The following CTNNA3 variants were observed in gnomAD, a reference collection of about 807,000 sequenced individuals.
The protein encoded by CTNNA3 is catenin alpha-3.
Under a neutral mutation model 95.7 loss-of-function variants are expected in CTNNA3, and 76 were observed. The observed-to-expected ratio is 0.79, with a 90% confidence interval of 0.66 to 0.96. The LOEUF (loss-of-function observed/expected upper bound fraction) is 0.96, where lower values mean the gene tolerates loss of function less well. CTNNA3 is among the 40% of genes least tolerant of loss of function. The pLI, the probability that CTNNA3 is intolerant of heterozygous loss-of-function variation, is 0.00. For missense variants in CTNNA3, 1,191 were observed against 1,089.8 expected, an observed-to-expected ratio of 1.09 and a Z score of -1.31; for synonymous variants, 431 against 374.4, an observed-to-expected ratio of 1.15 and a Z score of -1.74.
At chr10:66,466,911 A>G (rs986667013) in intron 11 of CTNNA3, among the ~76,000 whole-genome samples, 1 of 152,064 alleles carries the variant, frequency 6.6e-6, no homozygotes. Flanking sequence ...TCTTCATGGC[A>G]TTCATTACTA....
intron 7 of CTNNA3, chr10:66,928,309 A>G (rs1161340184): frequency 6.2e-7 from 1 of 1,614,074 alleles, no homozygotes; most frequent in African/African-American, 1.3e-5. Flanking sequence ...CAGGAAAAAG[A>G]AAAGACAGTC....
At chr10:66,229,081 C>T (rs1343798655) in intron 13 of CTNNA3, among the ~76,000 whole-genome samples, 1 of 152,014 alleles carries the variant, frequency 6.6e-6, no homozygotes, top group African/African-American at 2.4e-5. Flanking sequence ...TTTTTTAAAT[C>T]TATATAGCCC....
intron 9 of CTNNA3, among the ~76,000 whole-genome samples, chr10:66,700,736 T>A (rs1348587893): frequency 1.3e-5 from 2 of 152,170 alleles, no homozygotes; most frequent in Non-Finnish European, 1.5e-5. Flanking sequence ...GTTCATTTTG[T>A]AAGATGTGCC....
chr10:66,967,540 C>T (rs1444843569), intron 7 of CTNNA3, among the ~76,000 whole-genome samples: 1 of 151,974 alleles, frequency 6.6e-6, no homozygotes, highest in Non-Finnish European at 1.5e-5. Flanking sequence ...CCACTACTTG[C>T]ATCTGCACCC....
intron 10 of CTNNA3, among the ~76,000 whole-genome samples, chr10:66,535,919 TAAA>T (rs1436166714): frequency 6.6e-6 from 1 of 152,068 alleles, no homozygotes; most frequent in Non-Finnish European, 1.5e-5. Flanking sequence ...GTGATGAAAA[TAAA>T]GAACACAAAA....
chr10:67,551,045 G>A lies in CTNNA3; in HGVS notation c.293-11376C>T, dbSNP rs1841011510. Among the ~76,000 whole-genome samples, 3 of 152,246 alleles carry A rather than the reference G, an allele frequency of 2.0e-5. No individual in the cohort carries two copies. In the South Asian group the frequency reaches 6.2e-4, roughly 32 times the overall value. ...CAGGCCTGTGCCCACAGACCTAGGTGAGGACAGGCACTCCTGACTTTGCAC... is the reference window on the plus strand; with the variant it reads ...CAGGCCTGTGCCCACAGACCTAGGTAAGGACAGGCACTCCTGACTTTGCAC... On this transcript the variant is annotated intron_variant, in intron 3 of 17. Transcript: ENST00000433211.
chr10:67,262,891 G>A (rs996941729), intron 5 of CTNNA3, among the ~76,000 whole-genome samples: 4 of 152,066 alleles, frequency 2.6e-5, no homozygotes, highest in South Asian at 4.1e-4. Context: ...AATAAATTAC[G>A]GCTCATTCTG....
At chr10:67,647,354 T>A in intron 2 of CTNNA3, 61 bp downstream of exon 2, 3 of 1,161,764 alleles carry the variant, frequency 2.6e-6, no homozygotes, top group Non-Finnish European at 3.7e-6. Flanking sequence ...TATTCATTTT[T>A]CCCACATATT....
At chr10:66,882,402 T>C (rs1844883301) in intron 7 of CTNNA3, among the ~76,000 whole-genome samples, 1 of 152,134 alleles carries the variant, frequency 6.6e-6, no homozygotes, top group African/African-American at 2.4e-5. Context: ...ATTTCGGCCA[T>C]CAAAACCATT....
At chr10:66,542,914 A>G (rs1841907589) in intron 10 of CTNNA3, among the ~76,000 whole-genome samples, 1 of 152,236 alleles carries the variant, frequency 6.6e-6, no homozygotes, top group African/African-American at 2.4e-5. Context: ...AAAAAATAAA[A>G]TAAAACTTGA....
At chr10:66,077,178 C>T (rs12415668) in intron 14 of CTNNA3, among the ~76,000 whole-genome samples, 4,687 of 151,636 alleles carry the variant, frequency 0.031, 100 homozygotes, top group Admixed American at 0.062. Flanking sequence ...TATGATGTTT[C>T]AAATTACTTT....
chr10:66,380,432 A>G (rs765783079), intron 11 of CTNNA3, among the ~76,000 whole-genome samples: 1 of 151,994 alleles, frequency 6.6e-6, no homozygotes, highest in Non-Finnish European at 1.5e-5. Flanking sequence ...AAACACAGCA[A>G]GACCCTTTCT....
chr10:67,157,181 T>C (rs1197735210), intron 7 of CTNNA3, among the ~76,000 whole-genome samples: 3 of 152,026 alleles, frequency 2.0e-5, no homozygotes, highest in Admixed American at 1.3e-4. Context: ...TGACATAATC[T>C]TACATGAAGG....
intron 7 of CTNNA3, among the ~76,000 whole-genome samples, chr10:67,153,367 AT>A (rs1316461920): frequency 6.6e-6 from 1 of 152,200 alleles, no homozygotes; most frequent in African/African-American, 2.4e-5. Context: ...CACTTGAGAA[AT>A]TTTTAAGCCT....
intron 3 of CTNNA3, among the ~76,000 whole-genome samples, chr10:67,544,855 A>G (rs1239836441): frequency 6.6e-6 from 1 of 152,146 alleles, no homozygotes; most frequent in Non-Finnish European, 1.5e-5. Context: ...TTCAGAGAAA[A>G]CAGAATTCCC....
chr10:67,598,844 C>G (rs1373181127), intron 3 of CTNNA3, among the ~76,000 whole-genome samples: 2 of 151,912 alleles, frequency 1.3e-5, no homozygotes, highest in Admixed American at 6.6e-5. Flanking sequence ...GTAAAAAAAT[C>G]TCATAAAAGA....
intron 11 of CTNNA3, among the ~76,000 whole-genome samples, chr10:66,504,755 G>C (rs1403768768): frequency 6.6e-6 from 1 of 152,122 alleles, no homozygotes; most frequent in Non-Finnish European, 1.5e-5. Context: ...ACATAAAATT[G>C]TGAGACTTCC....
intron 1 of CTNNA3, among the ~76,000 whole-genome samples, chr10:67,714,504 A>G (rs1034203832): frequency 1.3e-5 from 2 of 151,678 alleles, no homozygotes; most frequent in African/African-American, 4.8e-5. Flanking sequence ...CTGTACGCCC[A>G]TTGTAGCTAG....
chr10:67,647,562 T>G, intron 1 of CTNNA3, 44 bp from the exon 2 acceptor site: 2 of 1,499,920 alleles, frequency 1.3e-6, no homozygotes, highest in Admixed American at 3.4e-5. Context: ...AAGAAAACTG[T>G]TTTCTAAAGA....
Sources: allele counts gnomAD v4.1 joint callset (sites outside exome capture counted in the v4.1 genomes callset), GRCh38; gene constraint gnomAD v4.1.1; transcripts MANE v1.5; gene names NCBI Gene and HGNC (gene_info 2026-07-23, HGNC 2026-07-21).